Variants in IL9R observed in about 807,000 individuals in gnomAD.
IL9R encodes interleukin-9 receptor.
A neutral mutation model predicts 56.3 loss-of-function variants in IL9R; 54 were observed. The ratio of observed to expected loss-of-function variants is 0.96; its 90% confidence interval spans 0.77 to 1.20. The LOEUF is 1.20. Ranked by LOEUF, IL9R falls within the 50% of genes most tolerant of loss-of-function variation. The pLI is 0.00. For synonymous variants in IL9R, 212 were observed against 250.2 expected (o/e 0.85, Z 1.44); for missense variants, 545 against 629.8 (o/e 0.87, Z 1.44).
chrX:155,998,109 C>A (rs761606042), intron 1 of IL9R, among the ~76,000 whole-genome samples: 55 of 152,108 alleles, frequency 3.6e-4, no homozygotes, highest in African/African-American at 1.2e-3. Flanking sequence ...ATTGAACTGA[C>A]CTTTGTGGGG....
chrX:156,008,366 G>A (rs1255677121), intron 8 of IL9R, among the ~76,000 whole-genome samples: 3 of 151,348 alleles, frequency 2.0e-5, no homozygotes, highest in Non-Finnish European at 4.4e-5. Context: ...TCACACTGTG[G>A]CTCCAGCTTA....
At chrX:156,004,763 G>A (rs772476962) in intron 5 of IL9R, among the ~76,000 whole-genome samples, 198 bp downstream of exon 5, 15 of 152,152 alleles carry the variant, frequency 9.9e-5, no homozygotes, top group South Asian at 2.1e-4. Flanking sequence ...GGGTGAGTGC[G>A]CCTGTGTCTC....
intron 1 of IL9R, 131 bp downstream of exon 1, chrX:155,997,918 A>G (rs1222987986): frequency 2.4e-6 from 2 of 844,520 alleles, no homozygotes; most frequent in Non-Finnish European, 4.0e-6. Context: ...CCCTAGCTTT[A>G]CCTCCTCTGG....
At chrX:156,002,785 A>G in intron 1 of IL9R, 121 bp from the exon 2 acceptor site, 1 of 1,397,204 alleles carries the variant, frequency 7.2e-7, no homozygotes, top group Non-Finnish European at 1.0e-6. Context: ...GTGTTAGGAC[A>G]CAGGACACTG....
At position 156,003,870 on chromosome X, in the gene IL9R, T is replaced by C. The variant is rs764985155; in HGVS notation, c.433+15T>C. ...CCGGAGACACGGTGAGCAGCAGCTATAGGTCTGGGGCGGGGCCGCTTGGCA... is the reference window on the plus strand; with the variant it reads ...CCGGAGACACGGTGAGCAGCAGCTACAGGTCTGGGGCGGGGCCGCTTGGCA... On this transcript the variant is annotated intron_variant, in intron 4 of 8. Coordinates refer to ENST00000244174, the MANE Select transcript of IL9R (RefSeq NM_002186.3). 11 of 1,613,482 alleles carry C rather than the reference T, an allele frequency of 6.8e-6. No individual in the cohort carries two copies. The highest frequency in any genetic ancestry group is 4.0e-5 in the African/African-American group (3 of 74,914).
At chrX:156,009,027 GTC>G (rs1404586770) in intron 8 of IL9R, among the ~76,000 whole-genome samples, 1 of 151,388 alleles carries the variant, frequency 6.6e-6, no homozygotes, top group African/African-American at 2.4e-5. Context: ...CTGTGTGTGT[GTC>G]TGTATCTGTG....
At chrX:156,000,162 A>ATT (rs2067424926) in intron 1 of IL9R, among the ~76,000 whole-genome samples, 7 of 150,412 alleles carry the variant, frequency 4.7e-5, no homozygotes. Context: ...ATATATATAC[A>ATT]CACATATATA....
intron 4 of IL9R, 48 bp from the exon 5 acceptor site, chrX:156,004,372 A>T: frequency 6.2e-7 from 1 of 1,607,678 alleles, no homozygotes; most frequent in South Asian, 1.1e-5. Context: ...TGACTGACAC[A>T]CCCAGACCCA....
downstream of IL9R, among the ~76,000 whole-genome samples, chrX:156,011,576 G>A (rs1035677430): frequency 3.7e-5 from 4 of 106,760 alleles, 1 homozygote; most frequent in Admixed American, 1.6e-4. Context: ...GGGGTGGAGC[G>A]AAGGGTGCTC....
rs3747327 is a variant in IL9R at position 156,003,855 on chromosome X, G to A, written c.433G>A (p.Val145Ile). 42 of 1,613,742 alleles carry A rather than the reference G, an allele frequency of 2.6e-5. No individual in the cohort carries two copies. Among genetic ancestry groups the A allele is most frequent in the Middle Eastern group, 1.7e-4 (1 of 6,024 alleles). Residue 145 changes from valine to isoleucine, a missense_variant and splice_region_variant, in exon 4 of 9, where the codon GTT becomes ATT. Val to Ile is a conservative substitution (Grantham distance 29). Transcript: ENST00000244174. ...VDPEYLPRRH[V>I]KLDPPSDLQS... ...CCCGGAGTACCTGCCCCGGAGACAC[G>A]GTGAGCAGCAGCTATAGGTCTGGGG...
In IL9R at chrX:156,003,661, C is replaced by A. The variant is rs777191897; in HGVS notation, c.255-16C>A. 4 of 1,612,478 alleles carry A rather than the reference C, an allele frequency of 2.5e-6. No homozygotes were observed. Among genetic ancestry groups the A allele is most frequent in the South Asian group, 1.1e-5 (1 of 90,878 alleles). Reference sequence around the variant, plus strand: ...CAGTGTAGCAGCCCCGTGGTGCTGACAAATGCCCTTTCCAGCAACCAGGCT... The same window carrying A: ...CAGTGTAGCAGCCCCGTGGTGCTGAAAAATGCCCTTTCCAGCAACCAGGCT... On this transcript the variant is annotated splice_polypyrimidine_tract_variant and intron_variant, in intron 3 of 8. Coordinates refer to ENST00000244174, the MANE Select transcript of IL9R (RefSeq NM_002186.3).
Position 156,003,570 on chromosome X carries a change from G to A in IL9R, c.254+10G>A, listed in dbSNP as rs3093496. On this transcript the variant is annotated intron_variant, in intron 3 of 8. Coordinates refer to ENST00000244174, the MANE Select transcript of IL9R (RefSeq NM_002186.3). Reference sequence around the variant, plus strand: ...GGCTCCTCTTCACCAGGTGAGCATGGAGGGCCATGCCCACCTGGACAGGGA... The same window carrying A: ...GGCTCCTCTTCACCAGGTGAGCATGAAGGGCCATGCCCACCTGGACAGGGA... The A allele has an allele frequency of 4.5e-3, 7,291 of 1,610,980 alleles. 318 individuals are homozygous for A. In the African/African-American group the frequency reaches 0.088, roughly 19 times the overall value.
At position 156,005,427 on chromosome X, in the gene IL9R, C is replaced by T; in HGVS notation, c.729C>T (p.Gly243=). The change falls in exon 6 of 9, where the codon GGC becomes GGT. Residue 243 remains glycine (G), a synonymous_variant. Coordinates refer to ENST00000244174, the MANE Select transcript of IL9R (RefSeq NM_002186.3). ...DDVVEEERYT[G]QWSEWSQPVC... is the part of the protein sequence containing the mutation. Reference sequence around the variant, plus strand: ...TGGTAGAGGAGGAGCGTTATACAGGCCAGTGGAGTGAGTGGAGCCAGCCTG... The same window carrying T: ...TGGTAGAGGAGGAGCGTTATACAGGTCAGTGGAGTGAGTGGAGCCAGCCTG... The T allele has an allele frequency of 6.2e-7, 1 of 1,613,150 alleles. No individual in the cohort carries two copies. Among genetic ancestry groups the T allele is most frequent in the East Asian group, 2.2e-5 (1 of 44,880 alleles).
At chrX:155,998,166 T>C (rs2067263941) in intron 1 of IL9R, among the ~76,000 whole-genome samples, 1 of 151,944 alleles carries the variant, frequency 6.6e-6, no homozygotes, top group African/African-American at 2.4e-5. Context: ...TCAGTTGTGA[T>C]GGCCATGGGG....
At chrX:156,006,383 C>T (rs1195782450) in intron 7 of IL9R, among the ~76,000 whole-genome samples, 195 bp downstream of exon 7, 3 of 148,542 alleles carry the variant, frequency 2.0e-5, no homozygotes, top group African/African-American at 5.0e-5. Flanking sequence ...TTCGAGTCTC[C>T]ACCCTGGTCC....
intron 4 of IL9R, chrX:156,004,154 G>C: frequency 3.3e-6 from 2 of 599,350 alleles, no homozygotes; most frequent in Non-Finnish European, 5.9e-6. Context: ...CCAATAAGAT[G>C]CTGGGAAAAG....
chrX:156,008,884 T>C (rs1271469319), intron 8 of IL9R, among the ~76,000 whole-genome samples: 3,141 of 151,576 alleles, frequency 0.021, 26 homozygotes, highest in African/African-American at 0.072. Context: ...TGTGTGTGTG[T>C]GTGTGTTTAT....
chrX:156,006,115 A>G lies in IL9R; in HGVS notation c.814A>G (p.Asn272Asp), dbSNP rs766998145. Residue 272 changes from asparagine (N) to aspartate (D), a missense_variant, in exon 7 of 9, where the codon AAC becomes GAC. Transcript: ENST00000244174. ...GATCCCACCCTGGGGGTGGCCAGGC[A>G]ACACCCTTGTTGCTGTGTCCATCTT... ...PLIPPWGWPG[N>D]TLVAVSIFLL... The G allele has an allele frequency of 1.2e-6, 2 of 1,601,184 alleles. No homozygotes were observed. The highest frequency in any genetic ancestry group is 4.5e-5 in the East Asian group (2 of 44,824).
Position 156,004,457 on chromosome X carries a change from C to T in IL9R, c.471C>T (p.Ile157=). The T allele has an allele frequency of 6.2e-7, 1 of 1,613,896 alleles. No homozygotes were observed. Among genetic ancestry groups the T allele is most frequent in the Non-Finnish European group, 8.5e-7 (1 of 1,179,838 alleles). The change falls in exon 5 of 9, where the codon ATC becomes ATT. Residue 157 remains isoleucine (I), a synonymous_variant. Transcript: ENST00000244174. ...LDPPSDLQSN[I]SSGHCILTWS... Reference sequence around the variant, plus strand: ...CGCCCTCTGACTTGCAGAGCAACATCAGTTCTGGCCACTGCATCCTGACCT... The same window carrying T: ...CGCCCTCTGACTTGCAGAGCAACATTAGTTCTGGCCACTGCATCCTGACCT...
Sources: gnomAD v4.1 joint callset for allele counts (sites outside exome capture counted in the v4.1 genomes callset) on GRCh38, gnomAD v4.1.1 for gene constraint, MANE v1.5 for transcripts, NCBI Gene and HGNC (gene_info 2026-07-23, HGNC 2026-07-21) for gene names.